Variants in SPATA9 observed in about 807,000 individuals in gnomAD.
The protein encoded by SPATA9 is spermatogenesis associated 9, also known as spermatogenesis-associated protein 9.
SPATA9 carries 27 observed loss-of-function variants against 25.5 expected under a neutral mutation model. The ratio of observed to expected loss-of-function variants is 1.06; its 90% CI spans 0.78 to 1.46. SPATA9 has a LOEUF of 1.46. SPATA9 is among the 40% of genes most tolerant of loss of function. SPATA9 has a pLI of 0.00. For synonymous variants in SPATA9, 102 were observed against 105.7 expected (o/e 0.97, Z 0.21); for missense variants, 282 against 297.5 (o/e 0.95, Z 0.38).
At chr5:95,713,464 T>C in the SPATA9 span, 2 of 151,850 alleles carry the variant, frequency 1.3e-5, no homozygotes, top group Non-Finnish European at 2.9e-5. Context: ...ACCTCCCCCT[T>C]CCCTCCCTTC....
At chr5:95,715,273 G>A in the SPATA9 span, among the ~76,000 whole-genome samples, 2 of 150,200 alleles carry the variant, frequency 1.3e-5, no homozygotes, top group East Asian at 3.9e-4. Context: ...ACAGTGAGCT[G>A]AGATCATGCC....
intron 1 of SPATA9, among the ~76,000 whole-genome samples, chr5:95,695,945 A>G (rs950142774): frequency 1.3e-5 from 2 of 152,114 alleles, no homozygotes; most frequent in Non-Finnish European, 2.9e-5. Flanking sequence ...CTGAATCCCC[A>G]TCTCTCTCTA....
downstream of SPATA9, among the ~76,000 whole-genome samples, chr5:95,653,706 C>A (rs189331663): frequency 1.2e-4 from 18 of 152,270 alleles, no homozygotes; most frequent in African/African-American, 3.1e-4. Context: ...TGAGACCAGC[C>A]TGGCCAACAC....
the SPATA9 span, chr5:95,731,996 C>A: frequency 3.1e-6 from 5 of 1,614,054 alleles, no homozygotes; most frequent in Admixed American, 6.7e-5. Flanking sequence ...CTGAACGCGG[C>A]CAGCACGGTC....
chr5:95,696,367 G>A (rs1475164576), intron 1 of SPATA9, among the ~76,000 whole-genome samples: 2 of 152,128 alleles, frequency 1.3e-5, no homozygotes, highest in Admixed American at 6.5e-5. Context: ...GAGTGGTACT[G>A]TTTGCATTTT....
intron 2 of SPATA9, 113 bp downstream of exon 2, chr5:95,682,415 G>T: frequency 1.3e-6 from 1 of 761,690 alleles, no homozygotes. Flanking sequence ...CAAAATTAGT[G>T]TTTTCTAAAG....
At chr5:95,690,441 T>G (rs1358748005) in intron 1 of SPATA9, among the ~76,000 whole-genome samples, 2 of 152,110 alleles carry the variant, frequency 1.3e-5, no homozygotes, top group African/African-American at 4.8e-5. Flanking sequence ...AAGCACAAGG[T>G]GAGCCAGGGA....
chr5:95,696,105 A>G (rs984657697), intron 1 of SPATA9, among the ~76,000 whole-genome samples: 1 of 152,180 alleles, frequency 6.6e-6, no homozygotes. Context: ...GTGAAGCCTT[A>G]AGATGACTGT....
At chr5:95,730,655 T>G in the SPATA9 span, among the ~76,000 whole-genome samples, 1 of 152,158 alleles carries the variant, frequency 6.6e-6, no homozygotes, top group Non-Finnish European at 1.5e-5. Context: ...ATACATAACT[T>G]CCTTTAAAAA....
chr5:95,697,834 T>G (rs192787917), intron 1 of SPATA9, among the ~76,000 whole-genome samples: 1 of 149,140 alleles, frequency 6.7e-6, no homozygotes, highest in African/African-American at 2.6e-5. Context: ...TAGTTGGGTG[T>G]TTTTGTCAGT....
chr5:95,697,609 C>T (rs184229926), intron 1 of SPATA9, among the ~76,000 whole-genome samples: 9 of 152,220 alleles, frequency 5.9e-5, no homozygotes, highest in South Asian at 2.1e-4. Flanking sequence ...TCTTGTAGGG[C>T]GCTGTATTGA....
In SPATA9 at chr5:95,682,990, C is replaced by T. The variant is rs549371572; in HGVS notation, c.-136G>A. On this transcript the variant is annotated 5_prime_UTR_variant, in exon 1 of 5. It adds an upstream start codon to the 5' untranslated region. Transcript: ENST00000274432. ...CAGCAAGGACAGAACTCACAGCTCA[C>T]TGCTGGAATTCTTTGTTACTGTACA... is the stretch of plus-strand genomic sequence containing the variant. 1 of 1,345,474 alleles carries T rather than the reference C, an allele frequency of 7.4e-7. No homozygotes were observed. The highest frequency in any genetic ancestry group is 2.6e-5 in the South Asian group (1 of 37,898). The allele number at this position is 1,345,474 out of a possible 1,614,324, so 83.3% of individuals were successfully genotyped here.
chr5:95,714,851 A>G, the SPATA9 span, among the ~76,000 whole-genome samples: 3 of 152,216 alleles, frequency 2.0e-5, no homozygotes, highest in Admixed American at 2.0e-4. Context: ...AAAAATATCC[A>G]GTATGTAGGA....
the SPATA9 span, among the ~76,000 whole-genome samples, chr5:95,722,253 A>G: frequency 6.6e-6 from 1 of 152,192 alleles, no homozygotes; most frequent in African/African-American, 2.4e-5. Context: ...TTAAAACATG[A>G]GCCAAATTAT....
At chr5:95,708,593 G>A in the SPATA9 span, 1 of 696,438 alleles carries the variant, frequency 1.4e-6, no homozygotes, top group East Asian at 2.7e-5. Flanking sequence ...TGATTCCCAG[G>A]ACAGAGGTAA....
the SPATA9 span, chr5:95,731,842 C>T: frequency 6.2e-7 from 1 of 1,607,314 alleles, no homozygotes; most frequent in East Asian, 2.2e-5. Flanking sequence ...CTCCCCTCGC[C>T]CCCTCTGTCC....
downstream of SPATA9, among the ~76,000 whole-genome samples, chr5:95,653,604 A>T (rs1561387016): frequency 1.3e-5 from 2 of 152,122 alleles, no homozygotes; most frequent in South Asian, 4.1e-4. Context: ...ACTTAATATA[A>T]TCCAGTATTT....
chr5:95,706,008 T>C, the SPATA9 span, among the ~76,000 whole-genome samples: 9 of 152,318 alleles, frequency 5.9e-5, no homozygotes, highest in Non-Finnish European at 1.0e-4. Context: ...ATGTTACCTA[T>C]AATGTTTTGG....
intron 4 of SPATA9, among the ~76,000 whole-genome samples, chr5:95,661,825 TACAC>T (rs1349468415): frequency 1.3e-5 from 2 of 151,886 alleles, no homozygotes; most frequent in Non-Finnish European, 2.9e-5. Context: ...TCAACTTACA[TACAC>T]ACACATACAC....
Sources: allele counts gnomAD v4.1 joint callset (sites outside exome capture counted in the v4.1 genomes callset), GRCh38; gene constraint gnomAD v4.1.1; transcripts MANE v1.5; gene names NCBI Gene and HGNC (gene_info 2026-07-23, HGNC 2026-07-21).